FAM153A: variants seen among roughly 807,000 people sequenced by gnomAD.
FAM153A encodes protein FAM153A.
FAM153A carries 12 observed loss-of-function variants against 48.1 expected under a neutral mutation model. That is an observed-to-expected ratio of 0.25 (90% CI 0.16 to 0.40). The LOEUF (loss-of-function observed/expected upper bound fraction) is 0.40, where lower values mean the gene tolerates loss of function less well. Ranked by LOEUF, FAM153A falls within the 10% of genes least tolerant of loss-of-function variation. The pLI, the probability that FAM153A is intolerant of heterozygous loss-of-function variation, is 1.00. For synonymous variants in FAM153A, 36 were observed against 118.2 expected, an observed-to-expected ratio of 0.30 and a Z score of 4.51; for missense variants, 111 against 345.8, an observed-to-expected ratio of 0.32 and a Z score of 5.38.
At chr5:177,716,544 C>T (rs2650341) in intron 24 of FAM153A, 65 of 151,872 alleles carry the variant, frequency 4.3e-4, no homozygotes, top group African/African-American at 5.1e-4. Flanking sequence ...TGCCTATCAG[C>T]GAGAAGGTGC....
intron 13 of FAM153A, 149 bp from the exon 16 acceptor site, chr5:177,734,553 A>G (rs1259477772): frequency 2.0e-6 from 1 of 506,386 alleles, no homozygotes; most frequent in Non-Finnish European, 3.4e-6. Flanking sequence ...ATCAACTCAT[A>G]CTAAAGACAC....
intron 18 of FAM153A, among the ~76,000 whole-genome samples, chr5:177,725,199 A>C: frequency 1.5e-5 from 2 of 129,828 alleles, no homozygotes; most frequent in African/African-American, 3.4e-5. Flanking sequence ...CATGAATCCC[A>C]TTTCCTTTCA....
chr5:177,715,247 G>A (rs1294708694), intron 25 of FAM153A, among the ~76,000 whole-genome samples: 3 of 151,640 alleles, frequency 2.0e-5, no homozygotes, highest in Non-Finnish European at 4.4e-5. Flanking sequence ...CTCCCAAAGT[G>A]CTGAGATTAC....
chr5:177,758,977 G>T (rs1365933518), intron 1 of FAM153A, among the ~76,000 whole-genome samples: 1 of 151,728 alleles, frequency 6.6e-6, no homozygotes, highest in Non-Finnish European at 1.5e-5. Flanking sequence ...TAACAAATGG[G>T]ATCTAATTAA....
chr5:177,710,205 T>A (rs1449947627), downstream of FAM153A, among the ~76,000 whole-genome samples: 5 of 151,290 alleles, frequency 3.3e-5, no homozygotes, highest in African/African-American at 1.2e-4. Flanking sequence ...CTTCTCCTCC[T>A]GGGTTCGAGA....
At chr5:177,719,055 AT>A (rs964062436), downstream of FAM153A, among the ~76,000 whole-genome samples, 28 of 149,598 alleles carry the variant, frequency 1.9e-4, no homozygotes, top group Admixed American at 1.5e-3. Flanking sequence ...TAATTTTTGT[AT>A]TTTTTTTTGT....
the FAM153A span, among the ~76,000 whole-genome samples, chr5:177,701,322 G>A: frequency 6.6e-6 from 1 of 151,812 alleles, no homozygotes; most frequent in African/African-American, 2.4e-5. Flanking sequence ...CCAGCACTTT[G>A]GGAGGCTGAG....
chr5:177,708,525 A>C (rs542630112), downstream of FAM153A, among the ~76,000 whole-genome samples: 1 of 151,438 alleles, frequency 6.6e-6, no homozygotes, highest in South Asian at 2.1e-4. Flanking sequence ...TGCGGTGAGC[A>C]GAGATCGTGC....
chr5:177,713,581 A>G (rs895170332), intron 26 of FAM153A, among the ~76,000 whole-genome samples: 2 of 151,560 alleles, frequency 1.3e-5, no homozygotes, highest in Non-Finnish European at 2.9e-5. Context: ...CTTTGTCTAA[A>G]TGACTGAGCT....
chr5:177,707,035 G>A (rs1266902357), downstream of FAM153A: 1 of 151,960 alleles, frequency 6.6e-6, no homozygotes, highest in Non-Finnish European at 1.5e-5. Context: ...TGACACAGGA[G>A]CCCCAGTTAT....
At chr5:177,729,492 A>G in exon 17 of FAM153A, 1 of 1,606,896 alleles carries the variant, frequency 6.2e-7, no homozygotes, top group Non-Finnish European at 8.5e-7. Context: ...TACCATGTGA[A>G]CCCCTGTGGC....
chr5:177,772,040 A>C lies in FAM153A; in HGVS notation c.-57+8409T>G, dbSNP rs1288882998. Among the ~76,000 whole-genome samples, 13 of 98,318 alleles carry C rather than the reference A, an allele frequency of 1.3e-4. 3 individuals are homozygous for C. In the Admixed American group the frequency reaches 1.4e-3, roughly 10 times the overall value. 64.5% of individuals were successfully genotyped at this position (98,318 alleles called of 152,430 possible). A position where few individuals can be genotyped will look rare whatever the true frequency, so the allele number is the denominator to read the frequency against. ...CTGAATCCTGTGAGTCCTTCTAGTGAATCACCAAACCTGGGGGTGGTCTTG... is the reference window on the plus strand; with the variant it reads ...CTGAATCCTGTGAGTCCTTCTAGTGCATCACCAAACCTGGGGGTGGTCTTG... On this transcript the variant is annotated intron_variant, in intron 1 of 8. Transcript: ENST00000393518.
At chr5:177,708,249 CA>C (rs200376836), downstream of FAM153A, among the ~76,000 whole-genome samples, 1 of 144,424 alleles carries the variant, frequency 6.9e-6, no homozygotes, top group East Asian at 2.0e-4. Context: ...GGTTTGGGAA[CA>C]GGTACAGAAT....
intron 1 of FAM153A, chr5:177,753,167 C>T: frequency 1.2e-6 from 2 of 1,610,996 alleles, no homozygotes; most frequent in Non-Finnish European, 1.7e-6. Context: ...TGGAAATGAA[C>T]ATACATACCT....
the FAM153A span, among the ~76,000 whole-genome samples, chr5:177,697,751 T>C: frequency 6.6e-6 from 1 of 151,822 alleles, no homozygotes; most frequent in Non-Finnish European, 1.5e-5. Context: ...TGTAAATTTA[T>C]AGAATGTACC....
intron 1 of FAM153A, among the ~76,000 whole-genome samples, chr5:177,752,624 A>C: frequency 7.8e-6 from 1 of 128,040 alleles, no homozygotes; most frequent in African/African-American, 3.3e-5. Context: ...CTGCCAAAAA[A>C]AAAAAAAAAA....
Position 177,761,305 on chromosome 5 carries a change from C to T in FAM153A, c.-56-12606G>A, listed in dbSNP as rs1179608127. Among the ~76,000 whole-genome samples the T allele has an allele frequency of 1.9e-4, 29 of 150,836 alleles. 1 individual carries two copies. The highest frequency in any genetic ancestry group is 6.7e-4 in the African/African-American group (27 of 40,452). ...GCAAAGGAAACTGCCAACGAGGTTACAATCAATTTTTTTTTTTCCTAGAGT... is the reference window on the plus strand; with the variant it reads ...GCAAAGGAAACTGCCAACGAGGTTATAATCAATTTTTTTTTTTCCTAGAGT... On this transcript the variant is annotated intron_variant, in intron 1 of 8. Transcript: ENST00000393518.
chr5:177,704,899 G>A (rs1265639263), downstream of FAM153A, among the ~76,000 whole-genome samples: 2 of 151,356 alleles, frequency 1.3e-5, no homozygotes, highest in Non-Finnish European at 2.9e-5. Flanking sequence ...ACTTGGGGAG[G>A]CTGAGGCACG....
intron 18 of FAM153A, among the ~76,000 whole-genome samples, chr5:177,725,438 T>C (rs1762213478): frequency 6.7e-6 from 1 of 148,536 alleles, no homozygotes; most frequent in South Asian, 2.1e-4. Context: ...TGGAAAATAT[T>C]CAGCCCTCAA....
Sources: allele counts gnomAD v4.1 joint callset (sites outside exome capture counted in the v4.1 genomes callset), GRCh38; gene constraint gnomAD v4.1.1; transcripts MANE v1.5; gene names NCBI Gene and HGNC (gene_info 2026-07-23, HGNC 2026-07-21).